CNTN5: variants seen among roughly 807,000 people sequenced by gnomAD.
The protein encoded by CNTN5 is contactin-5.
In CNTN5, 77 loss-of-function variants were observed where a neutral mutation model predicts 129.1. The observed-to-expected ratio is 0.60, with a 90% CI of 0.50 to 0.72. The LOEUF (loss-of-function observed/expected upper bound fraction) is 0.72. Ranked by LOEUF, CNTN5 falls within the 30% of genes least tolerant of loss-of-function variation. The probability of loss-of-function intolerance (pLI) is 0.00; values close to 1 mark genes in which losing one functional copy is unlikely to be tolerated. For synonymous variants in CNTN5, 509 were observed against 465.6 expected (o/e 1.09, Z -1.20); for missense variants, 1,478 against 1,328.8 (o/e 1.11, Z -1.75).
At chr11:99,826,971 A>T (rs1395552487) in intron 4 of CNTN5, among the ~76,000 whole-genome samples, 1 of 152,234 alleles carries the variant, frequency 6.6e-6, no homozygotes, top group Non-Finnish European at 1.5e-5. Flanking sequence ...CAGTAGTAGC[A>T]GAGATAAAGA....
intron 8 of CNTN5, among the ~76,000 whole-genome samples, chr11:100,001,304 A>T (rs1051250031): frequency 2.6e-5 from 4 of 152,094 alleles, no homozygotes; most frequent in African/African-American, 4.8e-5. Flanking sequence ...ATTTTGTGAG[A>T]ACTCTCTTAC....
chr11:99,128,311 C>T (rs1033105234), intron 1 of CNTN5, among the ~76,000 whole-genome samples: 7 of 152,292 alleles, frequency 4.6e-5, no homozygotes, highest in South Asian at 4.1e-4. Flanking sequence ...GCTAGTGCTA[C>T]GGAGACTGGG....
rs146505582 is a variant in CNTN5 at position 99,796,454 on chromosome 11, G to A, written c.56-23090G>A. On this transcript the variant is annotated intron_variant, in intron 3 of 24. Transcript: ENST00000524871. ...AAAGTTGCACAGGGAAGGATATGGTGGGGGGTAAGTGCGAGTGACCTGGTG... is the reference window on the plus strand; with the variant it reads ...AAAGTTGCACAGGGAAGGATATGGTAGGGGGTAAGTGCGAGTGACCTGGTG... Among the ~76,000 whole-genome samples, 439 of 152,174 alleles carry A rather than the reference G, an allele frequency of 2.9e-3. 2 individuals are homozygous for A. The highest frequency in any genetic ancestry group is 0.02 in the Middle Eastern group (6 of 294).
At chr11:99,578,576 C>G (rs2135600088) in intron 3 of CNTN5, among the ~76,000 whole-genome samples, 1 of 150,072 alleles carries the variant, frequency 6.7e-6, no homozygotes, top group African/African-American at 2.5e-5. Flanking sequence ...TCTCTGATGG[C>G]CAGTGATCAT....
intron 2 of CNTN5, among the ~76,000 whole-genome samples, chr11:99,473,033 CAGA>C (rs1208700236): frequency 6.6e-6 from 1 of 152,056 alleles, no homozygotes; most frequent in East Asian, 1.9e-4. Context: ...TTAATGCTGC[CAGA>C]AGAAGTGATT....
At chr11:99,839,896 G>A (rs1385903836) in intron 4 of CNTN5, among the ~76,000 whole-genome samples, 1 of 151,904 alleles carries the variant, frequency 6.6e-6, no homozygotes, top group African/African-American at 2.4e-5. Flanking sequence ...AACAAGGTAT[G>A]CCTAACTGGT....
At chr11:99,058,747 C>T (rs1267444478) in intron 1 of CNTN5, among the ~76,000 whole-genome samples, 1 of 151,472 alleles carries the variant, frequency 6.6e-6, no homozygotes, top group African/African-American at 2.4e-5. Flanking sequence ...TGTCATTAAT[C>T]AAAGACTGGC....
chr11:99,863,835 C>G (rs1208819056), intron 6 of CNTN5, among the ~76,000 whole-genome samples: 1 of 152,106 alleles, frequency 6.6e-6, no homozygotes, highest in Non-Finnish European at 1.5e-5. Context: ...ATTGTATGAT[C>G]TGAGCTTTCA....
At chr11:100,019,025 T>A (rs1940980235) in intron 9 of CNTN5, among the ~76,000 whole-genome samples, 1 of 151,898 alleles carries the variant, frequency 6.6e-6, no homozygotes, top group African/African-American at 2.4e-5. Context: ...TGCGTGAGAG[T>A]TGTTTAAAAT....
intron 6 of CNTN5, among the ~76,000 whole-genome samples, chr11:99,846,154 A>ACC (rs1393526498): frequency 6.6e-6 from 1 of 151,442 alleles, no homozygotes; most frequent in Non-Finnish European, 1.5e-5. Flanking sequence ...ACACACACAC[A>ACC]CACACACGAA....
At chr11:99,565,320 C>T (rs1237844599) in intron 3 of CNTN5, among the ~76,000 whole-genome samples, 1 of 152,102 alleles carries the variant, frequency 6.6e-6, no homozygotes, top group Non-Finnish European at 1.5e-5. Context: ...AAGCCTCCTC[C>T]TCAGAAATCT....
chr11:99,507,919 G>A (rs915768405), intron 2 of CNTN5, among the ~76,000 whole-genome samples: 2 of 152,148 alleles, frequency 1.3e-5, no homozygotes, highest in Non-Finnish European at 2.9e-5. Context: ...TGCTTGAATG[G>A]CTTTATAAAA....
At chr11:99,291,724 C>G (rs894112204) in intron 1 of CNTN5, among the ~76,000 whole-genome samples, 2 of 151,974 alleles carry the variant, frequency 1.3e-5, no homozygotes, top group African/African-American at 4.8e-5. Context: ...GTTCCTACAA[C>G]AGAAAAGATC....
chr11:99,249,599 A>G (rs1241444027), intron 1 of CNTN5, among the ~76,000 whole-genome samples: 2 of 152,064 alleles, frequency 1.3e-5, no homozygotes, highest in Non-Finnish European at 2.9e-5. Flanking sequence ...GACATATTCT[A>G]GGTTTTTAAA....
At chr11:99,299,739 T>G (rs1864544208) in intron 1 of CNTN5, among the ~76,000 whole-genome samples, 1 of 152,228 alleles carries the variant, frequency 6.6e-6, no homozygotes, top group Admixed American at 6.5e-5. Context: ...ATACTTTTTA[T>G]GGCTGCATAG....
chr11:100,315,391 A>G (rs537153102), intron 21 of CNTN5, among the ~76,000 whole-genome samples: 1 of 152,318 alleles, frequency 6.6e-6, no homozygotes, highest in South Asian at 2.1e-4. Context: ...TAAATTGATG[A>G]ATTGCTTTAT....
Position 99,382,845 on chromosome 11 carries a change from C to CT in CNTN5, c.-71+57391dup, listed in dbSNP as rs1163660333. 4.9e-4 allele frequency among the ~76,000 whole-genome samples: 38 copies of CT among 77,038 alleles called. 3 individuals carry two copies. The highest frequency in any genetic ancestry group is 1.9e-3 in the African/African-American group (31 of 16,178). 50.5% of individuals were successfully genotyped at this position (77,038 alleles called of 152,430 possible). Reference sequence around the variant, plus strand: ...ACATCTCACTAGTGTCTCTAAATAACTTTTTTTTTTTTTTTTTTTTTTTTT... The same window carrying CT: ...ACATCTCACTAGTGTCTCTAAATAACTTTTTTTTTTTTTTTTTTTTTTTTTT... On this transcript the variant is annotated intron_variant, in intron 2 of 24. Coordinates refer to ENST00000524871, the MANE Select transcript of CNTN5 (RefSeq NM_014361.4).
At chr11:99,279,450 C>G (rs945234493) in intron 1 of CNTN5, among the ~76,000 whole-genome samples, 1 of 151,832 alleles carries the variant, frequency 6.6e-6, no homozygotes, top group African/African-American at 2.4e-5. Flanking sequence ...CCTATTTACC[C>G]TGTCCAGGAG....
At chr11:99,994,249 T>C (rs1939306102) in intron 8 of CNTN5, among the ~76,000 whole-genome samples, 1 of 152,114 alleles carries the variant, frequency 6.6e-6, no homozygotes, top group African/African-American at 2.4e-5. Flanking sequence ...CTCATATCAG[T>C]CAATAGTGTC....
Sources: gnomAD v4.1 joint callset for allele counts (sites outside exome capture counted in the v4.1 genomes callset) on GRCh38, gnomAD v4.1.1 for gene constraint, MANE v1.5 for transcripts, NCBI Gene and HGNC (gene_info 2026-07-23, HGNC 2026-07-21) for gene names.